Variants in DLGAP5 observed in about 807,000 individuals in gnomAD.
The protein encoded by DLGAP5 is DLG associated protein 5, also known as disks large-associated protein 5.
DLGAP5 carries 90 observed loss-of-function variants against 99.6 expected under a neutral mutation model. That is an observed-to-expected ratio of 0.90 (90% confidence interval 0.76 to 1.08). The LOEUF is 1.08. Among genes scored for constraint, DLGAP5 ranks in the 50% least tolerant of loss-of-function variants. The pLI is 0.00. For synonymous variants in DLGAP5, 311 were observed against 321.3 expected (o/e 0.97, Z 0.34); for missense variants, 1,036 against 983.5 (o/e 1.05, Z -0.71).
chr14:55,177,568 C>T (rs939766398), intron 7 of DLGAP5, among the ~76,000 whole-genome samples: 1 of 150,756 alleles, frequency 6.6e-6, no homozygotes, highest in Non-Finnish European at 1.5e-5. Flanking sequence ...TACGGAGTAG[C>T]CCTCCGTCGC....
chr14:55,186,677 T>TCTGA (rs10638536), intron 2 of DLGAP5, among the ~76,000 whole-genome samples: 44,334 of 151,914 alleles, frequency 0.29, 12,561 homozygotes, highest in African/African-American at 0.74. Flanking sequence ...TCCATTCCAA[T>TCTGA]CTTTCACTCC....
chr14:55,155,728 G>A (rs1882192739), intron 14 of DLGAP5, among the ~76,000 whole-genome samples: 1 of 152,154 alleles, frequency 6.6e-6, no homozygotes. Context: ...TATTTTGGAA[G>A]CTATAATGTA....
At position 55,148,336 on chromosome 14, in the gene DLGAP5, G is replaced by A. The variant is rs200598972; in HGVS notation, c.*15C>T. 6.0e-4 allele frequency: 963 copies of A among 1,611,308 alleles called. No individual in the cohort carries two copies. The highest frequency in any genetic ancestry group is 7.3e-4 in the Non-Finnish European group (861 of 1,178,684). ...TTGATAATATGAAGGAAAATGTTTG[G>A]ATTTATTTTTAAATTCAAAATTCTC... is the stretch of plus-strand genomic sequence containing the variant. On this transcript the variant is annotated 3_prime_UTR_variant, in exon 19 of 19. Coordinates refer to ENST00000247191, the MANE Select transcript of DLGAP5 (RefSeq NM_014750.5).
At chr14:55,149,816 G>GGA (rs1491140796) in intron 18 of DLGAP5, among the ~76,000 whole-genome samples, 1 of 7,894 alleles carries the variant, frequency 1.3e-4, no homozygotes. Flanking sequence ...GAATCGGGGC[G>GGA]GGGGGGGGGC....
intron 9 of DLGAP5, 104 bp downstream of exon 9, chr14:55,175,790 G>T: frequency 9.7e-7 from 1 of 1,026,478 alleles, no homozygotes; most frequent in Non-Finnish European, 1.4e-6. Flanking sequence ...AATCTGACAA[G>T]TAATAATCCA....
intron 12 of DLGAP5, among the ~76,000 whole-genome samples, chr14:55,164,279 T>C (rs769146008): frequency 5.3e-5 from 8 of 151,520 alleles, no homozygotes; most frequent in Non-Finnish European, 8.8e-5. Flanking sequence ...GAGACTAGCC[T>C]GGGCAACAAG....
intron 12 of DLGAP5, among the ~76,000 whole-genome samples, chr14:55,164,137 TTATACACACA>T (rs1440436807): frequency 6.6e-6 from 1 of 152,174 alleles, no homozygotes; most frequent in African/African-American, 2.4e-5. Context: ...TGCTATGCAC[TTATACACACA>T]TATCCTCTTA....
chr14:55,178,231 G>A (rs1210506812), intron 7 of DLGAP5, among the ~76,000 whole-genome samples: 15 of 151,792 alleles, frequency 9.9e-5, no homozygotes, highest in Admixed American at 6.6e-5. Context: ...CAGCCTGGGC[G>A]ACAGAGCGAG....
At chr14:55,157,336 TAGC>T (rs1465630727) in intron 14 of DLGAP5, among the ~76,000 whole-genome samples, 1 of 152,208 alleles carries the variant, frequency 6.6e-6, no homozygotes, top group African/African-American at 2.4e-5. Context: ...GTCATGTTAT[TAGC>T]AGTAGTGGGA....
At chr14:55,172,071 C>T (rs557303479) in intron 10 of DLGAP5, among the ~76,000 whole-genome samples, 1 of 151,992 alleles carries the variant, frequency 6.6e-6, no homozygotes, top group Non-Finnish European at 1.5e-5. Flanking sequence ...CCAAGTTGGC[C>T]AGGCTACTAG....
chr14:55,161,398 T>TA (rs372112390), intron 13 of DLGAP5, among the ~76,000 whole-genome samples: 12,887 of 133,002 alleles, frequency 0.097, 765 homozygotes, highest in African/African-American at 0.16. Flanking sequence ...ACTTTATTAG[T>TA]AAAAAAAAAA....
intron 12 of DLGAP5, among the ~76,000 whole-genome samples, chr14:55,168,471 T>G (rs1197027575): frequency 6.6e-6 from 1 of 152,206 alleles, no homozygotes; most frequent in Non-Finnish European, 1.5e-5. Flanking sequence ...CCTTTTTCTT[T>G]TAGGTTTGAA....
At chr14:55,187,312 G>A (rs1043014729) in intron 2 of DLGAP5, among the ~76,000 whole-genome samples, 2 of 146,516 alleles carry the variant, frequency 1.4e-5, no homozygotes, top group African/African-American at 2.6e-5. Flanking sequence ...AGCAGCCAAA[G>A]TGATCCTTTT....
rs1242800756 is a variant in DLGAP5 at position 55,180,643 on chromosome 14, GA to G, written c.703+12del. On this transcript the variant is annotated intron_variant, in intron 6 of 18. Transcript: ENST00000247191. ...CATTCTAGTTCAGTCACTGATCAAGGAATAGTTCTCACCATTAGCAGCTCTT... is the reference window on the plus strand; with the variant it reads ...CATTCTAGTTCAGTCACTGATCAAGGATAGTTCTCACCATTAGCAGCTCTT... The G allele has an allele frequency of 6.2e-7, 1 of 1,613,824 alleles. No homozygotes were observed. The highest frequency in any genetic ancestry group is 8.5e-7 in the Non-Finnish European group (1 of 1,179,916).
Position 55,176,017 on chromosome 14 carries a change from C to T in DLGAP5, c.1051G>A (p.Asp351Asn). The T allele has an allele frequency of 4.4e-6, 7 of 1,600,588 alleles. No individual in the cohort carries two copies. Among genetic ancestry groups the T allele is most frequent in the Non-Finnish European group, 5.1e-6 (6 of 1,172,936 alleles). Residue 351 changes from aspartate (D) to asparagine (N), a missense_variant and splice_region_variant, in exon 9 of 19, where the codon GAT (aspartate) becomes AAT (asparagine). Coordinates refer to ENST00000247191, the MANE Select transcript of DLGAP5 (RefSeq NM_014750.5). ...ATTTCTTTTGTTGCTTGAGACTCAT[C>T]ACTAAAAACAATAGCAAAAATATAC... is the stretch of plus-strand genomic sequence containing the variant. Reference protein sequence around the residue: ...YTWTPLKTEVDESQATKEILA... With the variant: ...YTWTPLKTEVNESQATKEILA...
intron 16 of DLGAP5, 86 bp from the exon 17 acceptor site, chr14:55,152,027 A>G: frequency 5.3e-6 from 7 of 1,326,438 alleles, no homozygotes; most frequent in Non-Finnish European, 7.2e-6. Flanking sequence ...TAAATACAAG[A>G]AAAACAGAAG....
intron 18 of DLGAP5, chr14:55,150,251 A>G (rs1313609578): frequency 6.6e-6 from 1 of 152,316 alleles, no homozygotes; most frequent in African/African-American, 2.4e-5. Context: ...TTCATATTAT[A>G]CCCTGAATAA....
chr14:55,180,545 T>C, intron 6 of DLGAP5, 111 bp downstream of exon 6: 1 of 1,454,656 alleles, frequency 6.9e-7, no homozygotes, highest in Middle Eastern at 1.8e-4. Context: ...TAGAATTTCC[T>C]GTTTCCTTCT....
Position 55,180,672 on chromosome 14 carries a change from G to A in DLGAP5, c.687C>T (p.Val229=), listed in dbSNP as rs769537218. The A allele has an allele frequency of 6.2e-7, 1 of 1,614,152 alleles. No individual in the cohort carries two copies. The highest frequency in any genetic ancestry group is 8.5e-7 in the Non-Finnish European group (1 of 1,180,028). The change falls in exon 6 of 19, where the codon GTC becomes GTT. Residue 229 remains valine, a synonymous_variant. Coordinates refer to ENST00000247191, the MANE Select transcript of DLGAP5 (RefSeq NM_014750.5). The part of the protein sequence containing the change: ...TVSSTTARKP[V]TRAANENEPE... ...AGTTCTCACCATTAGCAGCTCTTGT[G>A]ACTGGCTTTCTTGCTGTGGTAGATG...
Sources: allele counts gnomAD v4.1 joint callset (sites outside exome capture counted in the v4.1 genomes callset), GRCh38; gene constraint gnomAD v4.1.1; transcripts MANE v1.5; gene names NCBI Gene and HGNC (gene_info 2026-07-23, HGNC 2026-07-21).